The following NAGLU variants were observed in gnomAD, a reference collection of about 807,000 sequenced individuals.
The protein encoded by NAGLU is alpha-N-acetylglucosaminidase.
In NAGLU, 34 loss-of-function variants were observed where a neutral mutation model predicts 43.4. That is an observed-to-expected ratio of 0.78 (90% confidence interval 0.60 to 1.04). NAGLU has a LOEUF of 1.04. Among genes scored for constraint, NAGLU ranks in the 50% least tolerant of loss-of-function variants. NAGLU has a pLI of 0.00. For missense variants in NAGLU, 910 were observed against 993.7 expected (o/e 0.92, Z 1.13); for synonymous variants, 425 against 437.6 (o/e 0.97, Z 0.36).
At chr17:42,539,560 C>G (rs2092916277) in intron 4 of NAGLU, among the ~76,000 whole-genome samples, 1 of 152,272 alleles carries the variant, frequency 6.6e-6, no homozygotes, top group Non-Finnish European at 1.5e-5. Flanking sequence ...CTGCCCGCCT[C>G]TTTGCCCCCA....
intron 2 of NAGLU, among the ~76,000 whole-genome samples, chr17:42,537,937 A>G (rs1258859312): frequency 2.6e-5 from 4 of 151,460 alleles, no homozygotes; most frequent in East Asian, 3.9e-4. Context: ...TATGCAGCCA[A>G]TCACCTGGTC....
rs965226394 is a variant in NAGLU at position 42,536,653 on chromosome 17, C to G, written c.381C>G (p.Asn127Lys). ...VPGELTEATP[N>K]RYRYYQNVCT... Reference sequence around the variant, plus strand: ...GGGAGCTGACCGAGGCCACGCCCAACAGGTACCGCCCCGAAGCTTCCCCGC... The same window carrying G: ...GGGAGCTGACCGAGGCCACGCCCAAGAGGTACCGCCCCGAAGCTTCCCCGC... Residue 127 changes from asparagine (N) to lysine (K), a missense_variant and splice_region_variant, in exon 1 of 6, where the codon AAC becomes AAG. Transcript: ENST00000225927. 6.7e-7 allele frequency: 1 copy of G among 1,499,988 alleles called. No homozygotes were observed. The highest frequency in any genetic ancestry group is 1.4e-5 in the African/African-American group (1 of 69,256). 92.9% of individuals were successfully genotyped at this position (1,499,988 alleles called of 1,614,324 possible).
rs104894595 is a variant in NAGLU at position 42,543,568 on chromosome 17, C to T, written c.1562C>T (p.Pro521Leu). The change falls in exon 6 of 6, where the codon CCG becomes CTG. Residue 521 changes from proline to leucine, a missense_variant. By Grantham distance (98) the Pro-to-Leu change is moderately conservative (BLOSUM62 -3). Transcript: ENST00000225927. ...GHNRSPLVRR[P>L]SLQMNTSIWY... ...AATCGTAGCCCGCTGGTCAGGCGGC[C>T]GTCCCTACAGATGAATACCAGCATC... The T allele has an allele frequency of 6.6e-5, 106 of 1,612,256 alleles. No homozygotes were observed. The highest frequency in any genetic ancestry group is 8.9e-5 in the East Asian group (4 of 44,876).
At chr17:42,539,484 T>A (rs2092916108) in intron 4 of NAGLU, among the ~76,000 whole-genome samples, 1 of 152,204 alleles carries the variant, frequency 6.6e-6, no homozygotes, top group Admixed American at 6.5e-5. Flanking sequence ...CCGCATGACC[T>A]CCTTTGCACC....
In NAGLU at chr17:42,543,087, T is replaced by C. The variant is rs766000735; in HGVS notation, c.1081T>C (p.Trp361Arg). Residue 361 changes from tryptophan (W) to arginine (R), a missense_variant, in exon 6 of 6, where the codon TGG becomes CGG. Coordinates refer to ENST00000225927, the MANE Select transcript of NAGLU (RefSeq NM_000263.4). ...GWLFQHQPQF[W>R]GPAQIRAVLG... ...GCTCTTCCAGCACCAGCCGCAGTTC[T>C]GGGGGCCCGCCCAGATCAGGGCTGT... is the stretch of plus-strand genomic sequence containing the variant. 2.5e-6 allele frequency: 4 copies of C among 1,611,226 alleles called. No homozygotes were observed. The East Asian group carries it at 6.7e-5, about 27-fold the overall frequency.
At chr17:42,537,317 T>G in intron 1 of NAGLU, 81 bp from the exon 2 acceptor site, 1 of 1,594,106 alleles carries the variant, frequency 6.3e-7, no homozygotes, top group Non-Finnish European at 8.6e-7. Flanking sequence ...CCCTCTCCTC[T>G]AGGTGGGGGA....
chr17:42,543,561 A>AGGC lies in NAGLU; in HGVS notation c.1559_1561dup (p.Arg520dup). The AGGC allele has an allele frequency of 6.2e-7, 1 of 1,611,924 alleles. No homozygotes were observed. The highest frequency in any genetic ancestry group is 8.5e-7 in the Non-Finnish European group (1 of 1,179,688). On this transcript the variant is annotated inframe_insertion, in exon 6 of 6. Transcript: ENST00000225927. ...GGGCCACAATCGTAGCCCGCTGGTC[A>AGGC]GGCGGCCGTCCCTACAGATGAATAC...
At position 42,543,613 on chromosome 17, in the gene NAGLU, T is replaced by C; in HGVS notation, c.1607T>C (p.Val536Ala). Residue 536 changes from valine (V) to alanine (A), a missense_variant, in exon 6 of 6, where the codon GTG (valine) becomes GCG (alanine). Transcript: ENST00000225927. ...NTSIWYNRSDVFEAWRLLLTS... is the reference protein window; with the variant it reads ...NTSIWYNRSDAFEAWRLLLTS... ...AGCATCTGGTACAACCGATCTGATG[T>C]GTTTGAGGCCTGGCGGCTGCTGCTC... is the stretch of plus-strand genomic sequence containing the variant. 1 of 1,613,172 alleles carries C rather than the reference T, an allele frequency of 6.2e-7. No homozygotes were observed. The highest frequency in any genetic ancestry group is 8.5e-7 in the Non-Finnish European group (1 of 1,180,020).
In NAGLU at chr17:42,536,492, C is replaced by T; in HGVS notation, c.220C>T (p.Arg74Cys). ...TYSLGGGGAA[R>C]VRVRGSTGVA... is the part of the protein sequence containing the mutation. Reference sequence around the variant, plus strand: ...CAGCCTGGGCGGCGGCGGCGCGGCGCGCGTGCGGGTGCGCGGCTCCACGGG... The same window carrying T: ...CAGCCTGGGCGGCGGCGGCGCGGCGTGCGTGCGGGTGCGCGGCTCCACGGG... Residue 74 changes from arginine (R) to cysteine (C), a missense_variant, in exon 1 of 6, where the codon CGC becomes TGC. Coordinates refer to ENST00000225927, the MANE Select transcript of NAGLU (RefSeq NM_000263.4). 8.2e-7 allele frequency: 1 copy of T among 1,225,514 alleles called. No homozygotes were observed. The highest frequency in any genetic ancestry group is 1.0e-6 in the Non-Finnish European group (1 of 986,578). 75.9% of individuals were successfully genotyped at this position (1,225,514 alleles called of 1,614,324 possible).
chr17:42,541,272 A>C, intron 5 of NAGLU, 66 bp downstream of exon 5: 1 of 1,596,902 alleles, frequency 6.3e-7, no homozygotes, highest in Non-Finnish European at 8.5e-7. Flanking sequence ...AGCAGATGTC[A>C]GTAGGGGTAG....
rs1176241533 is a variant in NAGLU at position 42,543,200 on chromosome 17, G to C, written c.1194G>C (p.Gln398His). 6.2e-7 allele frequency: 1 copy of C among 1,614,112 alleles called. No homozygotes were observed. Among genetic ancestry groups the C allele is most frequent in the Non-Finnish European group, 8.5e-7 (1 of 1,180,060 alleles). Reference sequence around the variant, plus strand: ...TGTATACCCGCACTGCCTCCTTCCAGGGCCAGCCCTTCATCTGGTGCATGC... The same window carrying C: ...TGTATACCCGCACTGCCTCCTTCCACGGCCAGCCCTTCATCTGGTGCATGC... ...QPVYTRTASF[Q>H]GQPFIWCMLH... The change falls in exon 6 of 6, where the codon CAG (glutamine) becomes CAC (histidine). Residue 398 changes from glutamine (Q) to histidine (H), a missense_variant. Coordinates refer to ENST00000225927, the MANE Select transcript of NAGLU (RefSeq NM_000263.4).
intron 2 of NAGLU, among the ~76,000 whole-genome samples, chr17:42,537,878 A>C (rs1599255514): frequency 3.3e-5 from 5 of 152,006 alleles, no homozygotes; most frequent in South Asian, 4.1e-4. Flanking sequence ...AAAAAAAAAA[A>C]AACTGAGGCT....
At position 42,537,478 on chromosome 17, in the gene NAGLU, ACTG is replaced by A. The variant is rs1238423614; in HGVS notation, c.465_467del (p.Asp155_Trp156delinsGlu). The stretch of plus-strand genomic sequence containing the variant: ...TGGGCCCGCTGGGAGCGAGAGATAG[ACTG>A]GATGGCGCTGAATGGCATCAACCTG... On this transcript the variant is annotated inframe_deletion, in exon 2 of 6. Transcript: ENST00000225927. The A allele has an allele frequency of 1.2e-6, 2 of 1,614,216 alleles. No homozygotes were observed.
chr17:42,541,761 G>T (rs1790975740), intron 5 of NAGLU, among the ~76,000 whole-genome samples: 1 of 152,184 alleles, frequency 6.6e-6, no homozygotes, highest in Admixed American at 6.5e-5. Flanking sequence ...GTCTGTGTTG[G>T]CCAGGAAGGG....
rs546081028 is a variant in NAGLU, at chr17:42,539,649, T to G, written c.764+894T>G. Among the ~76,000 whole-genome samples, 3 of 152,352 alleles carry G rather than the reference T, an allele frequency of 2.0e-5. No individual in the cohort carries two copies. The South Asian group carries it at 6.2e-4, about 32-fold the overall frequency. ...CTGAGGCTGCCAGAACTGGCTGTGCTGGGTCCTGGGAGGCGGCAAGAAAGG... is the reference window on the plus strand; with the variant it reads ...CTGAGGCTGCCAGAACTGGCTGTGCGGGGTCCTGGGAGGCGGCAAGAAAGG... On this transcript the variant is annotated intron_variant, in intron 4 of 5. Transcript: ENST00000225927.
At chr17:42,538,938 A>G (rs2092914774) in intron 4 of NAGLU, among the ~76,000 whole-genome samples, 183 bp downstream of exon 4, 2 of 152,178 alleles carry the variant, frequency 1.3e-5, no homozygotes, top group Non-Finnish European at 2.9e-5. Context: ...CCTGGCCAAC[A>G]TGGTGAAACC....
In NAGLU at chr17:42,536,607, G is replaced by T. The variant is rs977582959; in HGVS notation, c.335G>T (p.Arg112Leu). The T allele has an allele frequency of 3.0e-5, 45 of 1,490,674 alleles. No individual in the cohort carries two copies. The highest frequency in any genetic ancestry group is 3.9e-5 in the Non-Finnish European group (44 of 1,128,280). The allele number at this position is 1,490,674 out of a possible 1,614,324, so 92.3% of individuals were successfully genotyped here. ...AWSGSQLRLP[R>L]PLPAVPGELT... ...TCCGGCTCTCAGCTGCGCCTGCCGC[G>T]GCCACTGCCAGCCGTGCCGGGGGAG... The change falls in exon 1 of 6, where the codon CGG (arginine) becomes CTG (leucine). Residue 112 changes from arginine to leucine, a missense_variant. Coordinates refer to ENST00000225927, the MANE Select transcript of NAGLU (RefSeq NM_000263.4).
rs1035337903 is a variant in NAGLU, at chr17:42,536,253, G to A, written c.-20G>A. ...GCCGCCCCACCCCCTGGCCGTCGCG[G>A]GACCCGCAGGACTGAGACCATGGAG... On this transcript the variant is annotated 5_prime_UTR_variant, in exon 1 of 6. Transcript: ENST00000225927. 26 of 1,216,824 alleles carry A rather than the reference G, an allele frequency of 2.1e-5. No homozygotes were observed. In the Middle Eastern group the frequency reaches 1.3e-3, roughly 60 times the overall value. The allele number at this position is 1,216,824 out of a possible 1,614,324, so 75.4% of individuals were successfully genotyped here.
At chr17:42,542,964 A>G in intron 5 of NAGLU, 64 bp from the exon 6 acceptor site, 2 of 1,594,708 alleles carry the variant, frequency 1.3e-6, no homozygotes, top group Non-Finnish European at 8.5e-7. Flanking sequence ...GAGTGGGGTG[A>G]ACATTCCCTG....
Sources: gnomAD v4.1 joint callset for allele counts (sites outside exome capture counted in the v4.1 genomes callset) on GRCh38, gnomAD v4.1.1 for gene constraint, MANE v1.5 for transcripts, NCBI Gene and HGNC (gene_info 2026-07-23, HGNC 2026-07-21) for gene names.